Variants in LMTK2 observed in about 807,000 individuals in gnomAD.
LMTK2 encodes the protein serine/threonine-protein kinase LMTK2.
LMTK2 carries 37 observed loss-of-function variants against 127.5 expected under a neutral mutation model. That is an observed-to-expected ratio of 0.29 (90% CI 0.22 to 0.38). LMTK2 has a LOEUF of 0.38. Ranked by LOEUF, LMTK2 falls within the 10% of genes least tolerant of loss-of-function variation. The pLI is 1.00. For missense variants in LMTK2, 1,694 were observed against 1,920.3 expected, an observed-to-expected ratio of 0.88 and a Z score of 2.20; for synonymous variants, 819 against 810.1, an observed-to-expected ratio of 1.01 and a Z score of -0.19.
intron 1 of LMTK2, among the ~76,000 whole-genome samples, chr7:98,125,253 A>AG (rs1796427650): frequency 6.6e-6 from 1 of 151,518 alleles, no homozygotes. Context: ...CAGTGAGCCA[A>AG]GATCACGCCG....
chr7:98,189,654 T>C (rs192769956), intron 9 of LMTK2, among the ~76,000 whole-genome samples: 1 of 151,828 alleles, frequency 6.6e-6, no homozygotes, highest in East Asian at 1.9e-4. Context: ...CAGTGCGTGG[T>C]GGGGAGGAAA....
At chr7:98,116,950 G>C (rs563030221) in intron 1 of LMTK2, among the ~76,000 whole-genome samples, 101 of 152,342 alleles carry the variant, frequency 6.6e-4, no homozygotes, top group Non-Finnish European at 1.1e-3. Context: ...CGATTAGACT[G>C]GGGGTGTGGG....
At chr7:98,187,532 A>AT (rs1797455243) in intron 9 of LMTK2, among the ~76,000 whole-genome samples, 2 of 147,122 alleles carry the variant, frequency 1.4e-5, no homozygotes, top group African/African-American at 5.0e-5. Flanking sequence ...TGCTTTTATT[A>AT]TTTTTTTCAT....
At chr7:98,120,950 A>G (rs1052929394) in intron 1 of LMTK2, among the ~76,000 whole-genome samples, 23 of 152,314 alleles carry the variant, frequency 1.5e-4, no homozygotes, top group African/African-American at 5.5e-4. Flanking sequence ...AAGAAAATTC[A>G]CTTTAATAAA....
At chr7:98,176,049 CA>C (rs1454573840) in intron 7 of LMTK2, among the ~76,000 whole-genome samples, 1 of 152,162 alleles carries the variant, frequency 6.6e-6, no homozygotes, top group Non-Finnish European at 1.5e-5. Flanking sequence ...AACATAGACA[CA>C]AATACTAGCA....
intron 3 of LMTK2, among the ~76,000 whole-genome samples, chr7:98,147,794 A>C (rs966540605): frequency 3.3e-5 from 5 of 152,184 alleles, no homozygotes; most frequent in Admixed American, 3.3e-4. Context: ...TTTTCAGGTC[A>C]AGCTTCTTCT....
At chr7:98,156,630 A>T (rs1260178952) in intron 5 of LMTK2, among the ~76,000 whole-genome samples, 1 of 152,232 alleles carries the variant, frequency 6.6e-6, no homozygotes, top group Non-Finnish European at 1.5e-5. Context: ...ACGTTAAGTT[A>T]TATATTAGCA....
intron 9 of LMTK2, among the ~76,000 whole-genome samples, chr7:98,188,713 C>A (rs1236947083): frequency 6.6e-6 from 1 of 152,200 alleles, no homozygotes; most frequent in Non-Finnish European, 1.5e-5. Flanking sequence ...TAATGCTTTT[C>A]TCTGGCTGTT....
chr7:98,188,632 T>C (rs919834445), intron 9 of LMTK2, among the ~76,000 whole-genome samples: 1 of 152,178 alleles, frequency 6.6e-6, no homozygotes, highest in Non-Finnish European at 1.5e-5. Context: ...TTGCAGGGCA[T>C]AGTGTTCTTG....
At chr7:98,202,224 A>T (rs1043233246) in intron 11 of LMTK2, among the ~76,000 whole-genome samples, 1 of 152,002 alleles carries the variant, frequency 6.6e-6, no homozygotes, top group Non-Finnish European at 1.5e-5. Context: ...GAGCCCATCC[A>T]TTGAATTGCT....
At position 98,144,736 on chromosome 7, in the gene LMTK2, C is replaced by T. The variant is rs994868510; in HGVS notation, c.376+3195C>T. Among the ~76,000 whole-genome samples, 14 of 148,760 alleles carry T rather than the reference C, an allele frequency of 9.4e-5. 1 individual carries two copies. The highest frequency in any genetic ancestry group is 9.4e-4 in the Admixed American group (14 of 14,954). On this transcript the variant is annotated intron_variant, in intron 3 of 13. Coordinates refer to ENST00000297293, the MANE Select transcript of LMTK2 (RefSeq NM_014916.4). ...TATTATGTCCCCACCCACACACATG[C>T]ATAGTCCTCCTTTTTTTTTTTTTTT...
chr7:98,122,238 G>C (rs1796374086), intron 1 of LMTK2, among the ~76,000 whole-genome samples: 1 of 151,842 alleles, frequency 6.6e-6, no homozygotes, highest in South Asian at 2.1e-4. Flanking sequence ...TTTGTTTCGG[G>C]GGGTGCATGT....
rs1392656324 is a variant in LMTK2, at chr7:98,209,559, AGT to A, written c.*4071_*4072del. The A allele has an allele frequency of 4.6e-5, 7 of 152,238 alleles. No individual in the cohort carries two copies. Among genetic ancestry groups the A allele is most frequent in the Non-Finnish European group, 8.8e-5 (6 of 68,034 alleles). The allele number at this position is 152,238 out of a possible 1,614,324, so 9.4% of individuals were successfully genotyped here. A position where few individuals can be genotyped will look rare whatever the true frequency, so the allele number is the denominator to read the frequency against. On this transcript the variant is annotated 3_prime_UTR_variant, in exon 14 of 14. Transcript: ENST00000297293. Reference sequence around the variant, plus strand: ...AGATTTTTACTGTATATTGATGCATAGTGTGATTCAATAAATTGCTTGTAATT... The same window carrying A: ...AGATTTTTACTGTATATTGATGCATAGTGATTCAATAAATTGCTTGTAATT...
rs1251681647 is a variant in LMTK2, at chr7:98,194,038, G to C, written c.3573G>C (p.Val1191=). ...CACAGACTGGTGTTCCCCAGCAGGT[G>C]CATCCCACGGAAGACGAGGCCAGCA... is the stretch of plus-strand genomic sequence containing the variant. ...EPAQTGVPQQ[V]HPTEDEASSP... The change falls in exon 11 of 14, where the codon GTG becomes GTC. Residue 1191 remains valine, a synonymous_variant. Coordinates refer to ENST00000297293, the MANE Select transcript of LMTK2 (RefSeq NM_014916.4). This position sits in a 1 kb window ranked among gnomAD's most constrained non-coding sequence, Gnocchi z 5.4. The C allele has an allele frequency of 1.2e-6, 2 of 1,614,160 alleles. No individual in the cohort carries two copies. The highest frequency in any genetic ancestry group is 1.7e-6 in the Non-Finnish European group (2 of 1,180,044).
intron 6 of LMTK2, among the ~76,000 whole-genome samples, chr7:98,166,781 G>A (rs10248229): frequency 0.19 from 29,163 of 152,144 alleles, 3,300 homozygotes; most frequent in African/African-American, 0.32. Flanking sequence ...TGACCATCTA[G>A]GTTCATGTAA....
At chr7:98,145,692 C>A (rs1448426480) in intron 3 of LMTK2, among the ~76,000 whole-genome samples, 1 of 152,106 alleles carries the variant, frequency 6.6e-6, no homozygotes, top group African/African-American at 2.4e-5. Context: ...TTTCCCAATA[C>A]CATTCTCTTA....
chr7:98,128,792 C>T (rs186957923), intron 1 of LMTK2, among the ~76,000 whole-genome samples: 30 of 152,154 alleles, frequency 2.0e-4, no homozygotes, highest in Admixed American at 3.9e-4. Context: ...TGAGGCTGTG[C>T]GAGAACATGG....
At chr7:98,164,208 A>G (rs1195934518) in intron 6 of LMTK2, among the ~76,000 whole-genome samples, 1 of 152,106 alleles carries the variant, frequency 6.6e-6, no homozygotes, top group Non-Finnish European at 1.5e-5. Context: ...CCGAGAGATG[A>G]CTGTAGGGTG....
At chr7:98,150,618 C>G (rs1796839728) in intron 3 of LMTK2, among the ~76,000 whole-genome samples, 1 of 152,176 alleles carries the variant, frequency 6.6e-6, no homozygotes, top group Non-Finnish European at 1.5e-5. Context: ...TGTCTGTCCA[C>G]TTGTGAATAA....
Sources: allele counts gnomAD v4.1 joint callset (sites outside exome capture counted in the v4.1 genomes callset), GRCh38; gene constraint gnomAD v4.1.1; non-coding constraint Gnocchi (gnomAD v3.1); transcripts MANE v1.5; gene names NCBI Gene and HGNC (gene_info 2026-07-23, HGNC 2026-07-21).